The following ATAD3B variants were observed in gnomAD, a reference collection of about 807,000 sequenced individuals.
ATAD3B encodes ATPase family AAA domain containing 3B.
Under a neutral mutation model 70.2 loss-of-function variants are expected in ATAD3B, and 59 were observed. The ratio of observed to expected loss-of-function variants is 0.84; its 90% CI spans 0.68 to 1.04. ATAD3B has a LOEUF of 1.04. Ranked by LOEUF, ATAD3B falls within the 50% of genes least tolerant of loss-of-function variation. ATAD3B has a pLI of 0.00. For missense variants in ATAD3B, 961 were observed against 913.4 expected (o/e 1.05, Z -0.67); for synonymous variants, 423 against 388.6 (o/e 1.09, Z -1.04).
chr1:1,508,061 C>T, the ATAD3B span, among the ~76,000 whole-genome samples: 1 of 152,216 alleles, frequency 6.6e-6, no homozygotes, highest in Non-Finnish European at 1.5e-5. Context: ...TAGCCCCTTT[C>T]CTCTGCTGGG....
chr1:1,475,819 C>T (rs1431580227), intron 1 of ATAD3B, among the ~76,000 whole-genome samples: 2 of 150,878 alleles, frequency 1.3e-5, no homozygotes, highest in Admixed American at 6.6e-5. Flanking sequence ...ACCTGACCTG[C>T]TCTTTCCCCT....
chr1:1,477,284 G>A lies in ATAD3B; in HGVS notation c.216G>A (p.Lys72=), dbSNP rs778399391. The stretch of plus-strand genomic sequence containing the variant: ...CACATGCGCCCGCAGGTTACGCCAA[G>A]GAGGCCCTGAATCTGGCGCAGATGC... ...ARELEHSRYA[K]EALNLAQMQE... Residue 72 remains lysine, a synonymous_variant, in exon 2 of 16, where the codon AAG becomes AAA. Transcript: ENST00000673477. 1 of 1,612,446 alleles carries A rather than the reference G, an allele frequency of 6.2e-7. No homozygotes were observed. The highest frequency in any genetic ancestry group is 2.2e-5 in the East Asian group (1 of 44,888).
chr1:1,489,714 G>T, intron 13 of ATAD3B: 1 of 1,312,342 alleles, frequency 7.6e-7, no homozygotes, highest in Non-Finnish European at 1.0e-6. Flanking sequence ...GTCACACGGA[G>T]GATCAAGTCC....
intron 13 of ATAD3B, chr1:1,489,914 C>T: frequency 8.2e-7 from 1 of 1,226,726 alleles, no homozygotes; most frequent in Non-Finnish European, 1.0e-6. Context: ...TTGACAGGGA[C>T]TCTGGGTCCC....
In ATAD3B at chr1:1,479,349, GCA is replaced by G. The variant is rs779792101; in HGVS notation, c.444+249_444+250del. On this transcript the variant is annotated intron_variant, in intron 4 of 15. Coordinates refer to ENST00000673477, the MANE Select transcript of ATAD3B (RefSeq NM_031921.6). ...CTGCCCACACAGACACACACTCCTC[GCA>G]CACACACTCCCGGCAGACAGGCACA... Among the ~76,000 whole-genome samples, 15 of 146,448 alleles carry G rather than the reference GCA, an allele frequency of 1.0e-4. 2 individuals are homozygous for G. Among genetic ancestry groups the G allele is most frequent in the Admixed American group, 4.2e-4 (6 of 14,412 alleles).
At position 1,486,115 on chromosome 1, in the gene ATAD3B, C is replaced by T. The variant is rs1390516742; in HGVS notation, c.969C>T (p.Ser323=). Residue 323 remains serine, a synonymous_variant, in exon 10 of 16, where the codon AGC becomes AGT. Coordinates refer to ENST00000673477, the MANE Select transcript of ATAD3B (RefSeq NM_031921.6). ...ACCCCCGTCTTCCCCGGCAGCCCAG[C>T]CTGGAAGCACGGGTGCGCGACATCG... ...DVLEGVVLSP[S]LEARVRDIAI... 4 of 1,612,994 alleles carry T rather than the reference C, an allele frequency of 2.5e-6. No homozygotes were observed. The highest frequency in any genetic ancestry group is 3.4e-6 in the Non-Finnish European group (4 of 1,179,650).
At chr1:1,487,090 G>A (rs1384973668) in intron 11 of ATAD3B, among the ~76,000 whole-genome samples, 7 of 152,054 alleles carry the variant, frequency 4.6e-5, no homozygotes, top group South Asian at 2.1e-4. Context: ...CAGTGACCCC[G>A]CGCAGGGCAC....
chr1:1,489,603 C>A (rs929768854), intron 13 of ATAD3B: 5 of 1,252,594 alleles, frequency 4.0e-6, no homozygotes, highest in Non-Finnish European at 5.4e-6. Flanking sequence ...CAGAGGTCCC[C>A]AGTAGGGTGA....
chr1:1,504,687 C>T, the ATAD3B span, among the ~76,000 whole-genome samples: 3 of 151,692 alleles, frequency 2.0e-5, no homozygotes, highest in Admixed American at 1.3e-4. Flanking sequence ...GGAGTGTGGT[C>T]GACTGCTGGG....
chr1:1,499,244 T>C (rs1176270556), downstream of ATAD3B, among the ~76,000 whole-genome samples: 1 of 150,856 alleles, frequency 6.6e-6, no homozygotes, highest in Non-Finnish European at 1.5e-5. Context: ...GTGCTGGGAT[T>C]ACAGGCGTGA....
rs573382019 is a variant in ATAD3B, at chr1:1,480,716, C to T, written c.445-151C>T. ...GACTGCCGTCCCAGCCGATGTCACC[C>T]GTGTCTGTGTCAGGGTGCGGCGTCT... On this transcript the variant is annotated intron_variant, in intron 4 of 15. Coordinates refer to ENST00000673477, the MANE Select transcript of ATAD3B (RefSeq NM_031921.6). The T allele has an allele frequency of 5.7e-5, 81 of 1,423,862 alleles. 5 individuals carry two copies. The highest frequency in any genetic ancestry group is 3.5e-4 in the East Asian group (13 of 37,440). The allele number at this position is 1,423,862 out of a possible 1,614,324, so 88.2% of individuals were successfully genotyped here.
rs1381627174 is a variant in ATAD3B, at chr1:1,485,026, T to C, written c.761T>C (p.Leu254Pro). 1 of 1,602,818 alleles carries C rather than the reference T, an allele frequency of 6.2e-7. No individual in the cohort carries two copies. The highest frequency in any genetic ancestry group is 8.5e-7 in the Non-Finnish European group (1 of 1,176,086). Residue 254 changes from leucine to proline, a missense_variant, in exon 8 of 16, where the codon CTG becomes CCG. Transcript: ENST00000673477. ...RDKVTATVAG[L>P]TLLAVGVYSA... Reference sequence around the variant, plus strand: ...GTGTCTCTGCTGCAGGTGGCTGGGCTGACGCTGCTGGCTGTCGGGGTCTAC... The same window carrying C: ...GTGTCTCTGCTGCAGGTGGCTGGGCCGACGCTGCTGGCTGTCGGGGTCTAC...
chr1:1,499,625 G>A (rs143584911), downstream of ATAD3B, among the ~76,000 whole-genome samples: 2,556 of 75,830 alleles, frequency 0.034, 108 homozygotes, highest in African/African-American at 0.12. Flanking sequence ...ATGGAGTTTT[G>A]CCTTGTAGCC....
At chr1:1,499,165 G>T (rs1640886128), downstream of ATAD3B, among the ~76,000 whole-genome samples, 1 of 151,398 alleles carries the variant, frequency 6.6e-6, no homozygotes, top group South Asian at 2.1e-4. Flanking sequence ...TAGAGACAGG[G>T]TTTCACCGTG....
chr1:1,479,746 C>T (rs1389922877), intron 4 of ATAD3B, among the ~76,000 whole-genome samples: 1 of 145,130 alleles, frequency 6.9e-6, no homozygotes, highest in African/African-American at 2.6e-5. Context: ...CACACATAGG[C>T]ATGCACACCC....
intron 5 of ATAD3B, 38 bp from the exon 6 acceptor site, chr1:1,482,100 A>G (rs1438173146): frequency 1.3e-6 from 2 of 1,593,148 alleles, no homozygotes; most frequent in Non-Finnish European, 1.7e-6. Context: ...GACGTGCTGC[A>G]CTGCATGGTG....
In ATAD3B at chr1:1,496,028, AG is replaced by A. The variant is rs376596147; in HGVS notation, c.*218del. The A allele has an allele frequency of 1.4e-5, 19 of 1,328,832 alleles. No homozygotes were observed. The Middle Eastern group carries it at 8.5e-4, about 59-fold the overall frequency. The allele number at this position is 1,328,832 out of a possible 1,614,324, so 82.3% of individuals were successfully genotyped here. Reference sequence around the variant, plus strand: ...TCGGCTCCCACAGCAGAGCCAGGTGAGGGGGGGCCTGCCAGGACTAGACAGA... The same window carrying A: ...TCGGCTCCCACAGCAGAGCCAGGTGAGGGGGGCCTGCCAGGACTAGACAGA... On this transcript the variant is annotated 3_prime_UTR_variant, in exon 16 of 16. Coordinates refer to ENST00000673477, the MANE Select transcript of ATAD3B (RefSeq NM_031921.6).
intron 8 of ATAD3B, 33 bp downstream of exon 8, chr1:1,485,204 A>G (rs1199379640): frequency 1.9e-6 from 3 of 1,602,100 alleles, no homozygotes; most frequent in South Asian, 1.1e-5. Context: ...CCCTGAGTGC[A>G]GTTCCTGGCT....
At position 1,479,782 on chromosome 1, in the gene ATAD3B, C is replaced by T. The variant is rs758452166; in HGVS notation, c.444+674C>T. On this transcript the variant is annotated intron_variant, in intron 4 of 15. Coordinates refer to ENST00000673477, the MANE Select transcript of ATAD3B (RefSeq NM_031921.6). ...CTCTGCACACATGGGGGCTTACACA[C>T]CCCCCCGCACACGTGGGCCCGCTCA... Among the ~76,000 whole-genome samples the T allele has an allele frequency of 2.1e-5, 3 of 144,570 alleles. 1 individual carries two copies. The highest frequency in any genetic ancestry group is 4.5e-5 in the Non-Finnish European group (3 of 66,330). 94.8% of individuals were successfully genotyped at this position (144,570 alleles called of 152,430 possible). A position where few individuals can be genotyped will look rare whatever the true frequency, so the allele number is the denominator to read the frequency against.
Sources: gnomAD v4.1 joint callset for allele counts (sites outside exome capture counted in the v4.1 genomes callset) on GRCh38, gnomAD v4.1.1 for gene constraint, MANE v1.5 for transcripts, NCBI Gene and HGNC (gene_info 2026-07-23, HGNC 2026-07-21) for gene names.